The following TECTA variants were observed in gnomAD, a reference collection of about 807,000 sequenced individuals.
TECTA encodes alpha-tectorin.
Under a neutral mutation model 216.8 loss-of-function variants are expected in TECTA, and 128 were observed. The ratio of observed to expected loss-of-function variants is 0.59; its 90% CI spans 0.51 to 0.68. The LOEUF (loss-of-function observed/expected upper bound fraction) is 0.68, where lower values mean the gene tolerates loss of function less well. Among genes scored for constraint, TECTA ranks in the 30% least tolerant of loss-of-function variants. TECTA has a pLI of 0.00. For synonymous variants in TECTA, 1,089 were observed against 1,117.1 expected, an observed-to-expected ratio of 0.97 and a Z score of 0.50; for missense variants, 2,551 against 2,786.2, an observed-to-expected ratio of 0.92 and a Z score of 1.90.
In TECTA at chr11:121,109,349, TACAGAGAG is replaced by T; in HGVS notation, c.340_347del (p.Arg114HisfsTer96). ...CAATGGAATTCGAGGCGAGATCTAT[TACAGAGAG>T]ACCATGGAGCCTGCCATCTTGAAAA... On this transcript the variant is annotated frameshift_variant, in exon 4 of 24. Coordinates refer to ENST00000392793, the MANE Select transcript of TECTA (RefSeq NM_005422.4). LOFTEE classifies it high-confidence loss of function. The T allele has an allele frequency of 6.2e-7, 1 of 1,614,108 alleles. No homozygotes were observed. The highest frequency in any genetic ancestry group is 1.1e-5 in the South Asian group (1 of 91,070).
intron 20 of TECTA, among the ~76,000 whole-genome samples, chr11:121,177,429 C>T (rs970819790): frequency 6.6e-6 from 1 of 152,228 alleles, no homozygotes; most frequent in Non-Finnish European, 1.5e-5. Flanking sequence ...TTGGAGTTTG[C>T]TAGAGGTCCA....
At position 121,113,164 on chromosome 11, in the gene TECTA, G is replaced by T. The variant is rs759004891; in HGVS notation, c.579G>T (p.Ala193=). ...YYEINWTTGT[A]SGGDPLTGLG... is the part of the protein sequence containing the mutation. The stretch of plus-strand genomic sequence containing the variant: ...AAATCAACTGGACCACGGGGACGGC[G>T]AGTGGCGGCGACCCCCTGACAGGTC... The change falls in exon 5 of 24, where the codon GCG becomes GCT. Residue 193 remains alanine (A), a synonymous_variant. Coordinates refer to ENST00000392793, the MANE Select transcript of TECTA (RefSeq NM_005422.4). This position sits in a 1 kb window ranked among gnomAD's most constrained non-coding sequence, Gnocchi z 4.2. 1.9e-6 allele frequency: 3 copies of T among 1,613,634 alleles called. No homozygotes were observed. The highest frequency in any genetic ancestry group is 2.5e-6 in the Non-Finnish European group (3 of 1,179,944).
rs200563210 is a variant in TECTA, at chr11:121,152,982, G to T, written c.4207G>T (p.Val1403Leu). The change falls in exon 13 of 24, where the codon GTG becomes TTG. Residue 1403 changes from valine to leucine, a missense_variant. Transcript: ENST00000392793. ...RLKSDCSHYCVEGCHCDAGYV... is the reference protein window; with the variant it reads ...RLKSDCSHYCLEGCHCDAGYV... ...GAAGAGTGACTGCAGCCACTACTGC[G>T]TGGAGGGCTGTCACTGCGACGCTGG... 1.2e-6 allele frequency: 2 copies of T among 1,614,202 alleles called. No homozygotes were observed. Among genetic ancestry groups the T allele is most frequent in the Non-Finnish European group, 1.7e-6 (2 of 1,180,034 alleles).
In TECTA at chr11:121,190,870, A is replaced by AC; in HGVS notation, c.*64_*65insC. 1 of 1,265,978 alleles carries AC rather than the reference A, an allele frequency of 7.9e-7. No individual in the cohort carries two copies. Among genetic ancestry groups the AC allele is most frequent in the South Asian group, 1.2e-5 (1 of 81,204 alleles). The allele number at this position is 1,265,978 out of a possible 1,614,324, so 78.4% of individuals were successfully genotyped here. On this transcript the variant is annotated 3_prime_UTR_variant, in exon 24 of 24. Coordinates refer to ENST00000392793, the MANE Select transcript of TECTA (RefSeq NM_005422.4). Reference sequence around the variant, plus strand: ...TACTTCAACACCCTGTAGGATAAAAAGTGTGTGCCCTTAAGTCAAAACCTA... The same window carrying AC: ...TACTTCAACACCCTGTAGGATAAAAACGTGTGTGCCCTTAAGTCAAAACCTA...
At chr11:121,143,706 A>G (rs1177378152) in intron 11 of TECTA, among the ~76,000 whole-genome samples, 1 of 152,242 alleles carries the variant, frequency 6.6e-6, no homozygotes, top group African/African-American at 2.4e-5. Flanking sequence ...ATACTCACAG[A>G]AGAGCAGATA....
intron 13 of TECTA, among the ~76,000 whole-genome samples, chr11:121,154,784 G>A (rs948952352): frequency 6.6e-6 from 1 of 152,210 alleles, no homozygotes; most frequent in South Asian, 2.1e-4. Context: ...TCTATGCTGG[G>A]TTCCTAGCCT....
intron 7 of TECTA, among the ~76,000 whole-genome samples, chr11:121,119,784 C>T (rs1490387502): frequency 6.6e-6 from 1 of 152,242 alleles, no homozygotes; most frequent in Admixed American, 6.5e-5. Context: ...TCCACTCTTT[C>T]TGGCTCTGCC....
chr11:121,113,316 C>T lies in TECTA; in HGVS notation c.624+107C>T, dbSNP rs1445268463. 18 of 1,585,352 alleles carry T rather than the reference C, an allele frequency of 1.1e-5. No individual in the cohort carries two copies. The highest frequency in any genetic ancestry group is 5.0e-5 in the Admixed American group (3 of 59,766). ...CCTGCCACCAGCTTTTAACTAGAGA[C>T]GCAGGTCTGATCTCGCAGGTGGACT... On this transcript the variant is annotated intron_variant, in intron 5 of 23. Coordinates refer to ENST00000392793, the MANE Select transcript of TECTA (RefSeq NM_005422.4). The surrounding 1 kb of genome is among the most constrained non-coding windows in gnomAD (Gnocchi z 4.2).
rs529091322 is a variant in TECTA, at chr11:121,157,990, C to T, written c.4455C>T (p.Ser1485=). 8 of 1,613,222 alleles carry T rather than the reference C, an allele frequency of 5.0e-6. No homozygotes were observed. Among genetic ancestry groups the T allele is most frequent in the South Asian group, 1.1e-5 (1 of 91,080 alleles). The change falls in exon 14 of 24, where the codon TCC becomes TCT. Residue 1485 remains serine (S), a synonymous_variant. Coordinates refer to ENST00000392793, the MANE Select transcript of TECTA (RefSeq NM_005422.4). ...GVRGCFSTKT[S]YCLAAGGGVF... ...GCGGCTGCTTCAGCACCAAGACCTC[C>T]TACTGCCTGGCGGCCGGCGGCGGCG... is the stretch of plus-strand genomic sequence containing the variant.
intron 7 of TECTA, among the ~76,000 whole-genome samples, chr11:121,123,177 G>T (rs1946576201): frequency 6.6e-6 from 1 of 152,186 alleles, no homozygotes; most frequent in African/African-American, 2.4e-5. Context: ...TGCACTTATA[G>T]TCAAGCCCAC....
At chr11:121,126,865 G>A (rs540285043) in intron 8 of TECTA, among the ~76,000 whole-genome samples, 2 of 152,258 alleles carry the variant, frequency 1.3e-5, no homozygotes, top group African/African-American at 4.8e-5. Flanking sequence ...ATTGAATATG[G>A]CTTCTCTTTG....
chr11:121,135,741 T>A (rs925755154), intron 10 of TECTA, among the ~76,000 whole-genome samples: 6 of 152,238 alleles, frequency 3.9e-5, no homozygotes, highest in Admixed American at 3.9e-4. Flanking sequence ...ATGGTATGTA[T>A]ACGAGCCAAA....
intron 10 of TECTA, among the ~76,000 whole-genome samples, chr11:121,131,873 C>T (rs562897078): frequency 9.2e-5 from 14 of 152,280 alleles, no homozygotes; most frequent in South Asian, 2.1e-4. Flanking sequence ...AGCAATGATG[C>T]GTCTTCTCAA....
intron 14 of TECTA, 31 bp downstream of exon 14, chr11:121,158,255 G>A (rs1380757143): frequency 6.2e-7 from 1 of 1,606,692 alleles, no homozygotes; most frequent in Non-Finnish European, 8.5e-7. Flanking sequence ...TCTTAAGAAG[G>A]GGCCCGGAAA....
chr11:121,108,768 A>T (rs949545116), intron 3 of TECTA, among the ~76,000 whole-genome samples: 2 of 150,478 alleles, frequency 1.3e-5, no homozygotes, highest in Admixed American at 1.3e-4. Flanking sequence ...ACACACACAC[A>T]CCATCACCAG....
Position 121,187,953 on chromosome 11 carries a change from G to A in TECTA, c.6121G>A (p.Ala2041Thr). The change falls in exon 21 of 24, where the codon GCA becomes ACA. Residue 2041 changes from alanine to threonine, a missense_variant. Transcript: ENST00000392793. ...TTACGACGAAGTTCACCTTCACTGTGCAGTGTCACTCTGCGACTCAGAAAA... is the reference window on the plus strand; with the variant it reads ...TTACGACGAAGTTCACCTTCACTGTACAGTGTCACTCTGCGACTCAGAAAA... ...GDYDEVHLHC[A>T]VSLCDSEKYS... The A allele has an allele frequency of 6.2e-7, 1 of 1,614,248 alleles. No homozygotes were observed. Among genetic ancestry groups the A allele is most frequent in the Non-Finnish European group, 8.5e-7 (1 of 1,180,044 alleles).
intron 4 of TECTA, among the ~76,000 whole-genome samples, chr11:121,112,665 C>T (rs1946452639): frequency 6.6e-6 from 1 of 152,206 alleles, no homozygotes; most frequent in Admixed American, 6.5e-5. Context: ...GCTCCCTCTT[C>T]CAACCCGCTC....
chr11:121,112,710 G>A (rs768338596), intron 4 of TECTA, among the ~76,000 whole-genome samples: 2 of 152,100 alleles, frequency 1.3e-5, no homozygotes, highest in South Asian at 4.2e-4. Flanking sequence ...CCTGGTCCCC[G>A]GCCGAGTCTT....
chr11:121,126,777 A>T (rs184283220), intron 8 of TECTA, among the ~76,000 whole-genome samples: 12 of 152,348 alleles, frequency 7.9e-5, no homozygotes, highest in Admixed American at 6.5e-4. Context: ...AAACTACAAT[A>T]CAAGCAACTG....
Sources: gnomAD v4.1 joint callset for allele counts (sites outside exome capture counted in the v4.1 genomes callset) on GRCh38, gnomAD v4.1.1 for gene constraint, Gnocchi (gnomAD v3.1) non-coding constraint, MANE v1.5 for transcripts, NCBI Gene and HGNC (gene_info 2026-07-23, HGNC 2026-07-21) for gene names.